The following PARD3B variants were observed in gnomAD, a reference collection of about 807,000 sequenced individuals.
PARD3B encodes par-3 family cell polarity regulator beta.
A neutral mutation model predicts 130.2 loss-of-function variants in PARD3B; 103 were observed. The ratio of observed to expected loss-of-function variants is 0.79; its 90% CI spans 0.67 to 0.93. The LOEUF (loss-of-function observed/expected upper bound fraction) is 0.93. Ranked by LOEUF, PARD3B falls within the 40% of genes least tolerant of loss-of-function variation. The pLI, the probability that PARD3B is intolerant of heterozygous loss-of-function variation, is 0.00. For synonymous variants in PARD3B, 583 were observed against 553.2 expected, an observed-to-expected ratio of 1.05 and a Z score of -0.76; for missense variants, 1,609 against 1,499.2, an observed-to-expected ratio of 1.07 and a Z score of -1.21.
At chr2:204,944,704 A>C (rs1477509220) in intron 2 of PARD3B, among the ~76,000 whole-genome samples, 1 of 152,206 alleles carries the variant, frequency 6.6e-6, no homozygotes, top group Non-Finnish European at 1.5e-5. Flanking sequence ...AATTTTAGAA[A>C]AGCTTTATTT....
chr2:205,228,751 T>C (rs548413971), intron 15 of PARD3B, among the ~76,000 whole-genome samples: 25 of 152,296 alleles, frequency 1.6e-4, no homozygotes, highest in Non-Finnish European at 1.2e-4. Context: ...AGATTTGCTC[T>C]TTTGAGGCTG....
chr2:205,527,213 C>G (rs1422747539), intron 21 of PARD3B, among the ~76,000 whole-genome samples: 1 of 152,132 alleles, frequency 6.6e-6, no homozygotes, highest in East Asian at 1.9e-4. Context: ...ATTAAACACT[C>G]TATTTGGAAA....
intron 2 of PARD3B, among the ~76,000 whole-genome samples, chr2:204,929,548 A>G (rs1419695899): frequency 2.0e-5 from 3 of 152,108 alleles, no homozygotes; most frequent in Non-Finnish European, 4.4e-5. Flanking sequence ...AATTTTTATG[A>G]GGAATTTTTA....
chr2:205,527,653 C>T (rs933628287), intron 21 of PARD3B, among the ~76,000 whole-genome samples: 3 of 152,176 alleles, frequency 2.0e-5, no homozygotes, highest in African/African-American at 7.2e-5. Flanking sequence ...CAGGCAAAGG[C>T]AATAACCTTC....
Position 205,301,856 on chromosome 2 carries a change from G to A in PARD3B, c.2630+155G>A, listed in dbSNP as rs11686273. On this transcript the variant is annotated intron_variant, in intron 18 of 22. Transcript: ENST00000406610. This position sits in a 1 kb window ranked among gnomAD's most constrained non-coding sequence, Gnocchi z 5.2. ...TCTGTGCTCGTTCTCTTTCTGCAGA[G>A]GCAGAGGAGCTTTTTGGGGAAAGTT... 260,809 of 1,224,040 alleles carry A rather than the reference G, an allele frequency of 0.21. 33,337 individuals are homozygous for A. Among genetic ancestry groups the A allele is most frequent in the African/African-American group, 0.54 (36,205 of 67,036 alleles). The allele number at this position is 1,224,040 out of a possible 1,614,324, so 75.8% of individuals were successfully genotyped here. A position where few individuals can be genotyped will look rare whatever the true frequency, so the allele number is the denominator to read the frequency against.
chr2:204,820,999 C>A (rs1287383404), intron 2 of PARD3B, among the ~76,000 whole-genome samples: 1 of 152,164 alleles, frequency 6.6e-6, no homozygotes, highest in Non-Finnish European at 1.5e-5. Flanking sequence ...ACTGTTGAGA[C>A]CTACTGCTCA....
chr2:205,251,510 A>G (rs1383552307), intron 16 of PARD3B, among the ~76,000 whole-genome samples: 2 of 152,202 alleles, frequency 1.3e-5, no homozygotes. Flanking sequence ...GATCCTTGCA[A>G]AAGAACAGAG....
intron 16 of PARD3B, chr2:205,293,459 A>G (rs1419523992): frequency 6.6e-6 from 1 of 152,238 alleles, no homozygotes; most frequent in Non-Finnish European, 1.5e-5. Flanking sequence ...ACCAAGGTAT[A>G]CAAGGAGGAG....
chr2:204,866,538 G>C (rs998335989), intron 2 of PARD3B, among the ~76,000 whole-genome samples: 1 of 151,772 alleles, frequency 6.6e-6, no homozygotes, highest in Admixed American at 6.6e-5. Flanking sequence ...TACTTATTAG[G>C]TGCCAGCCCT....
chr2:205,473,652 A>ATGTGTG lies in PARD3B; in HGVS notation c.3045-26243_3045-26242insGTGTGT, dbSNP rs1258427336. 2.4e-5 allele frequency among the ~76,000 whole-genome samples: 3 copies of ATGTGTG among 122,688 alleles called. No homozygotes were observed. Among genetic ancestry groups the ATGTGTG allele is most frequent in the African/African-American group, 1.2e-4 (3 of 25,702 alleles). 80.5% of individuals were successfully genotyped at this position (122,688 alleles called of 152,430 possible). A position where few individuals can be genotyped will look rare whatever the true frequency, so the allele number is the denominator to read the frequency against. On this transcript the variant is annotated intron_variant, in intron 20 of 22. Transcript: ENST00000406610. The surrounding 1 kb of genome is among the most constrained non-coding windows in gnomAD (Gnocchi z 4.9). ...TATGTTTCCCAATATAAGGTTATATATATGTGTGTGTGTGTGTGTGTGTGT... is the reference window on the plus strand; with the variant it reads ...TATGTTTCCCAATATAAGGTTATATATGTGTGTATGTGTGTGTGTGTGTGTGTGTGT...
intron 16 of PARD3B, among the ~76,000 whole-genome samples, chr2:205,252,447 G>A (rs2039889646): frequency 6.6e-6 from 1 of 152,106 alleles, no homozygotes; most frequent in Non-Finnish European, 1.5e-5. Context: ...CCTCACAGAG[G>A]AAATATTGCT....
At chr2:204,954,819 C>G (rs1039576634) in intron 2 of PARD3B, among the ~76,000 whole-genome samples, 1 of 152,180 alleles carries the variant, frequency 6.6e-6, no homozygotes, top group Admixed American at 6.5e-5. Flanking sequence ...AAATCCATCA[C>G]TTTGAAATTT....
Position 205,562,382 on chromosome 2 carries a change from A to T in PARD3B, c.3260+8979A>T, listed in dbSNP as rs934397911. 6.6e-6 allele frequency among the ~76,000 whole-genome samples: 1 copy of T among 152,218 alleles called. No individual in the cohort carries two copies. Among genetic ancestry groups the T allele is most frequent in the Non-Finnish European group, 1.5e-5 (1 of 68,036 alleles). ...AGTTTTAACTGAATCTTGATGAACC[A>T]CATACATTAAATTCTATAGGTTTTT... On this transcript the variant is annotated intron_variant, in intron 22 of 22. Coordinates refer to ENST00000406610, the MANE Select transcript of PARD3B (RefSeq NM_001302769.2). This position sits in a 1 kb window ranked among gnomAD's most constrained non-coding sequence, Gnocchi z 5.4.
chr2:205,580,332 G>A (rs1053829177), intron 22 of PARD3B, among the ~76,000 whole-genome samples: 3 of 152,098 alleles, frequency 2.0e-5, no homozygotes, highest in African/African-American at 7.2e-5. Flanking sequence ...TCAGCAGAGG[G>A]CCCCTGGAAG....
intron 1 of PARD3B, among the ~76,000 whole-genome samples, chr2:204,651,277 T>G (rs981118349): frequency 2.6e-5 from 4 of 152,190 alleles, no homozygotes; most frequent in African/African-American, 9.7e-5. Flanking sequence ...CAAGTTAAGT[T>G]AGTTACTTCC....
intron 2 of PARD3B, among the ~76,000 whole-genome samples, chr2:204,856,768 C>T (rs1371979454): frequency 6.6e-6 from 1 of 151,938 alleles, no homozygotes; most frequent in East Asian, 1.9e-4. Flanking sequence ...TCCCATTTTC[C>T]CACCACCATT....
At chr2:205,040,967 C>T (rs1333042071) in intron 3 of PARD3B, among the ~76,000 whole-genome samples, 1 of 152,152 alleles carries the variant, frequency 6.6e-6, no homozygotes, top group Non-Finnish European at 1.5e-5. Flanking sequence ...GTTCCCTTCT[C>T]CATGCTTTCA....
intron 1 of PARD3B, among the ~76,000 whole-genome samples, chr2:204,619,167 G>T (rs933350648): frequency 6.6e-6 from 1 of 152,106 alleles, no homozygotes; most frequent in African/African-American, 2.4e-5. Flanking sequence ...TGTTCAGCAA[G>T]GTTGCAATGC....
chr2:205,097,413 G>A (rs1702465724), intron 4 of PARD3B, among the ~76,000 whole-genome samples: 1 of 152,130 alleles, frequency 6.6e-6, no homozygotes, highest in African/African-American at 2.4e-5. Context: ...TCAGCTTTCT[G>A]CGTCTGAGTT....
Sources: allele counts gnomAD v4.1 joint callset (sites outside exome capture counted in the v4.1 genomes callset), GRCh38; gene constraint gnomAD v4.1.1; non-coding constraint Gnocchi (gnomAD v3.1); transcripts MANE v1.5; gene names NCBI Gene and HGNC (gene_info 2026-07-23, HGNC 2026-07-21).